The following HEATR5A variants were observed in gnomAD, a reference collection of about 807,000 sequenced individuals.
HEATR5A encodes the protein HEAT repeat-containing protein 5A.
Under a neutral mutation model 218.8 loss-of-function variants are expected in HEATR5A, and 178 were observed. The observed-to-expected ratio is 0.81, with a 90% CI of 0.72 to 0.92. The LOEUF (loss-of-function observed/expected upper bound fraction) is 0.92, where lower values mean the gene tolerates loss of function less well. HEATR5A is among the 40% of genes least tolerant of loss of function. The probability of loss-of-function intolerance (pLI) is 0.00; values close to 1 mark genes in which losing one functional copy is unlikely to be tolerated. For missense variants in HEATR5A, 2,420 were observed against 2,418.9 expected (o/e 1.00, Z -0.01); for synonymous variants, 864 against 871.6 (o/e 0.99, Z 0.15).
At chr14:31,391,628 C>A (rs1340238252) in intron 6 of HEATR5A, among the ~76,000 whole-genome samples, 1 of 152,162 alleles carries the variant, frequency 6.6e-6, no homozygotes, top group East Asian at 1.9e-4. Context: ...ATATCCTAGG[C>A]TTTCACATTC....
chr14:31,411,878 GAC>G (rs2031285718), intron 1 of HEATR5A, among the ~76,000 whole-genome samples: 1 of 151,134 alleles, frequency 6.6e-6, no homozygotes, highest in Non-Finnish European at 1.5e-5. Context: ...TTTTTTTTAA[GAC>G]AGTCTCGTTC....
intron 14 of HEATR5A, among the ~76,000 whole-genome samples, chr14:31,361,777 C>T (rs984244687): frequency 3.3e-5 from 5 of 152,064 alleles, no homozygotes; most frequent in East Asian, 1.9e-4. Flanking sequence ...TCCAATCCTT[C>T]GGAAAACTAA....
At chr14:31,345,440 C>T (rs1406687727) in intron 19 of HEATR5A, among the ~76,000 whole-genome samples, 164 bp from the exon 20 acceptor site, 1 of 152,320 alleles carries the variant, frequency 6.6e-6, no homozygotes, top group East Asian at 1.9e-4. Context: ...CAGAGGCAAT[C>T]ATCCAATTTA....
intron 28 of HEATR5A, 108 bp from the exon 29 acceptor site, chr14:31,309,290 A>G (rs1272912486): frequency 2.0e-5 from 25 of 1,252,118 alleles, no homozygotes; most frequent in Non-Finnish European, 2.4e-5. Flanking sequence ...GTTCCCTTGT[A>G]CCCTTTTTCA....
intron 9 of HEATR5A, among the ~76,000 whole-genome samples, chr14:31,384,119 A>C (rs891307928): frequency 1.3e-5 from 2 of 152,174 alleles, no homozygotes; most frequent in Non-Finnish European, 2.9e-5. Flanking sequence ...AAAAATTAAA[A>C]GTTATCAACA....
In HEATR5A at chr14:31,350,640, A is replaced by G; in HGVS notation, c.2489T>C (p.Val830Ala). 1 of 1,596,602 alleles carries G rather than the reference A, an allele frequency of 6.3e-7. No individual in the cohort carries two copies. Among genetic ancestry groups the G allele is most frequent in the East Asian group, 2.2e-5 (1 of 44,720 alleles). ...GARQQVVQLH[V>A]VSSVSSFLKY... The stretch of plus-strand genomic sequence containing the variant: ...CAAGAAACTAGAAACTGAAGAAACA[A>G]CATGTAACTGAACCACTTGCTGACG... Residue 830 changes from valine (V) to alanine (A), a missense_variant, in exon 17 of 36, where the codon GTT becomes GCT. Physicochemically the swap from Val to Ala is moderately conservative, Grantham distance 64 (BLOSUM62 0). Transcript: ENST00000543095.
chr14:31,326,460 C>T, intron 22 of HEATR5A, 118 bp from the exon 23 acceptor site: 1 of 729,074 alleles, frequency 1.4e-6, no homozygotes, highest in Non-Finnish European at 2.3e-6. Context: ...AAGAACTAGC[C>T]CAAATACTGT....
chr14:31,381,597 A>G (rs2029987944), intron 10 of HEATR5A, among the ~76,000 whole-genome samples: 1 of 150,840 alleles, frequency 6.6e-6, no homozygotes, highest in Non-Finnish European at 1.5e-5. Context: ...AGCCTGGGCA[A>G]CAGAGTGAGA....
intron 6 of HEATR5A, among the ~76,000 whole-genome samples, chr14:31,389,769 T>A (rs967104972): frequency 7.9e-5 from 12 of 152,160 alleles, no homozygotes; most frequent in African/African-American, 2.9e-4. Flanking sequence ...ACCTCCTCCC[T>A]AGCCTAAAGA....
intron 33 of HEATR5A, among the ~76,000 whole-genome samples, chr14:31,299,565 CA>C (rs1418096405): frequency 2.0e-5 from 3 of 149,694 alleles, no homozygotes; most frequent in Non-Finnish European, 4.4e-5. Flanking sequence ...ACTAAAAATA[CA>C]AAAAAAATTA....
chr14:31,364,480 C>T (rs1901733439), intron 13 of HEATR5A, among the ~76,000 whole-genome samples, 182 bp from the exon 14 acceptor site: 1 of 152,176 alleles, frequency 6.6e-6, no homozygotes, highest in African/African-American at 2.4e-5. Context: ...GATGCAGTGG[C>T]ATGATCTTGG....
intron 1 of HEATR5A, among the ~76,000 whole-genome samples, chr14:31,415,289 T>C (rs978031952): frequency 6.6e-6 from 1 of 152,232 alleles, no homozygotes; most frequent in African/African-American, 2.4e-5. Flanking sequence ...CTAGGCTCTT[T>C]GCAACTACAG....
In HEATR5A at chr14:31,293,684, T is replaced by C. The variant is rs1595067751; in HGVS notation, c.5834-72A>G. 11 of 1,359,112 alleles carry C rather than the reference T, an allele frequency of 8.1e-6. No individual in the cohort carries two copies. In the East Asian group the frequency reaches 2.4e-4, roughly 30 times the overall value. 84.2% of individuals were successfully genotyped at this position (1,359,112 alleles called of 1,614,324 possible). A position where few individuals can be genotyped will look rare whatever the true frequency, so the allele number is the denominator to read the frequency against. On this transcript the variant is annotated intron_variant, in intron 35 of 35. Coordinates refer to ENST00000543095, the MANE Select transcript of HEATR5A (RefSeq NM_015473.4). ...AACAAAAGCCTGCAAATGCACTTGA[T>C]CTGTATACATTTTTCCCCACTAAAG... is the stretch of plus-strand genomic sequence containing the variant.
chr14:31,412,719 T>G (rs2031318126), intron 1 of HEATR5A, among the ~76,000 whole-genome samples: 1 of 150,118 alleles, frequency 6.7e-6, no homozygotes, highest in Non-Finnish European at 1.5e-5. Context: ...ACTGAAAATA[T>G]AAAATTAGCT....
At chr14:31,358,409 AGAT>A (rs1901499934) in intron 16 of HEATR5A, among the ~76,000 whole-genome samples, 1 of 152,222 alleles carries the variant, frequency 6.6e-6, no homozygotes, top group African/African-American at 2.4e-5. Flanking sequence ...ATTTTCAGCT[AGAT>A]GATAAGCTGT....
chr14:31,317,761 G>A (rs1182204716), intron 26 of HEATR5A, among the ~76,000 whole-genome samples: 1 of 152,184 alleles, frequency 6.6e-6, no homozygotes, highest in Admixed American at 6.5e-5. Flanking sequence ...AGACAAAAAT[G>A]TAAAAGTTTG....
chr14:31,336,258 A>C (rs1338200154), intron 22 of HEATR5A, among the ~76,000 whole-genome samples: 1 of 113,378 alleles, frequency 8.8e-6, no homozygotes, highest in Admixed American at 9.9e-5. Context: ...ATATATATAT[A>C]TATATAATTT....
intron 14 of HEATR5A, among the ~76,000 whole-genome samples, chr14:31,363,385 CTAGCAAG>C (rs771255356): frequency 1.3e-5 from 2 of 152,140 alleles, no homozygotes; most frequent in Admixed American, 1.3e-4. Context: ...TACTAGATAT[CTAGCAAG>C]TAACTTTTAA....
chr14:31,340,794 G>C (rs1207276308), intron 21 of HEATR5A, among the ~76,000 whole-genome samples: 1 of 152,072 alleles, frequency 6.6e-6, no homozygotes, highest in Non-Finnish European at 1.5e-5. Context: ...GTAGACATAA[G>C]TGTTGAGAGG....
Sources: allele counts gnomAD v4.1 joint callset (sites outside exome capture counted in the v4.1 genomes callset), GRCh38; gene constraint gnomAD v4.1.1; transcripts MANE v1.5; gene names NCBI Gene and HGNC (gene_info 2026-07-23, HGNC 2026-07-21).